SKIC3: variants seen among roughly 807,000 people sequenced by gnomAD.
SKIC3 encodes SKI3 subunit of superkiller complex, also known as superkiller complex protein 3.
chr5:95,516,316 CTT>C, the SKIC3 span: 74 of 1,607,378 alleles, frequency 4.6e-5, no homozygotes, highest in Non-Finnish European at 6.2e-5. Context: ...AGAAAACATT[CTT>C]TGTTTTAAAT....
chr5:95,521,847 C>T, the SKIC3 span, among the ~76,000 whole-genome samples: 2 of 152,056 alleles, frequency 1.3e-5, no homozygotes, highest in Non-Finnish European at 1.5e-5. Context: ...ATCTCTGTCA[C>T]ATTACTATTT....
the SKIC3 span, among the ~76,000 whole-genome samples, chr5:95,484,017 C>A: frequency 6.6e-6 from 1 of 152,068 alleles, no homozygotes; most frequent in Non-Finnish European, 1.5e-5. Context: ...TCTAATGACA[C>A]CCAAATAAAA....
the SKIC3 span, among the ~76,000 whole-genome samples, chr5:95,553,153 C>A: frequency 3.3e-5 from 5 of 152,008 alleles, no homozygotes; most frequent in Admixed American, 3.3e-4. Flanking sequence ...CTCTTAGATT[C>A]TTCCAGCACA....
chr5:95,542,139 T>C, the SKIC3 span, among the ~76,000 whole-genome samples: 2 of 152,100 alleles, frequency 1.3e-5, no homozygotes, highest in Non-Finnish European at 2.9e-5. Flanking sequence ...AATAAAGAGG[T>C]ATATCATTCC....
chr5:95,472,679 C>T, the SKIC3 span, among the ~76,000 whole-genome samples: 1 of 151,626 alleles, frequency 6.6e-6, no homozygotes, highest in Non-Finnish European at 1.5e-5. Context: ...AGAGGATACA[C>T]GTGCAGGTTT....
the SKIC3 span, chr5:95,464,447 A>G: frequency 1.7e-6 from 1 of 598,172 alleles, no homozygotes; most frequent in Non-Finnish European, 2.9e-6. Flanking sequence ...TGGAGTTAAC[A>G]GAAAATTGCA....
chr5:95,504,771 CA>C, the SKIC3 span, among the ~76,000 whole-genome samples: 1 of 151,958 alleles, frequency 6.6e-6, no homozygotes, highest in Non-Finnish European at 1.5e-5. Flanking sequence ...GAGGCCAAGA[CA>C]GGGGCATCAC....
At chr5:95,490,793 C>T in the SKIC3 span, 180 of 1,375,490 alleles carry the variant, frequency 1.3e-4, no homozygotes, top group African/African-American at 1.3e-3. Context: ...CCACCATGCC[C>T]GGCCTAATGA....
the SKIC3 span, chr5:95,530,029 A>G: frequency 6.3e-7 from 1 of 1,592,130 alleles, no homozygotes; most frequent in Non-Finnish European, 8.6e-7. Context: ...TCAAAGATAA[A>G]TGCCTACTGA....
chr5:95,475,376 T>C, the SKIC3 span, among the ~76,000 whole-genome samples: 1 of 152,154 alleles, frequency 6.6e-6, no homozygotes, highest in African/African-American at 2.4e-5. Flanking sequence ...CTTGGTACTA[T>C]ACACTGAGTG....
At chr5:95,530,149 AG>A in the SKIC3 span, 9 of 1,613,604 alleles carry the variant, frequency 5.6e-6, no homozygotes, top group Non-Finnish European at 7.6e-6. Context: ...TTAATGCCTA[AG>A]CCAATGAGGC....
the SKIC3 span, chr5:95,550,468 T>TAA: frequency 5.7e-5 from 8 of 140,434 alleles, no homozygotes; most frequent in Non-Finnish European, 4.7e-5. Flanking sequence ...AGTCTGACAT[T>TAA]AAAAAAAAAA....
chr5:95,546,956 T>TA, the SKIC3 span: 1 of 1,154,636 alleles, frequency 8.7e-7, no homozygotes. Flanking sequence ...TAAATGGCCT[T>TA]ACCACTTTTG....
the SKIC3 span, chr5:95,547,172 A>G: frequency 1.3e-5 from 21 of 1,608,058 alleles, no homozygotes; most frequent in East Asian, 2.0e-4. Flanking sequence ...AGAAAGCCTG[A>G]GTAAATCTAC....
chr5:95,528,171 T>A, the SKIC3 span: 1 of 1,613,496 alleles, frequency 6.2e-7, no homozygotes, highest in Non-Finnish European at 8.5e-7. Context: ...ATTAAGGGTA[T>A]CCAAATGAAG....
chr5:95,494,049 G>A, the SKIC3 span, among the ~76,000 whole-genome samples: 2 of 151,966 alleles, frequency 1.3e-5, no homozygotes, highest in South Asian at 2.1e-4. Context: ...CTAACTACAC[G>A]TAAAAATATC....
chr5:95,540,342 T>G, the SKIC3 span, among the ~76,000 whole-genome samples: 1 of 152,024 alleles, frequency 6.6e-6, no homozygotes, highest in Non-Finnish European at 1.5e-5. Context: ...GACTATAAAT[T>G]GGGTTCAGTG....
the SKIC3 span, among the ~76,000 whole-genome samples, chr5:95,492,672 A>AAAAAAAAAAAAAAAAAAAAAAAAAAC: frequency 7.2e-6 from 1 of 138,856 alleles, no homozygotes; most frequent in Non-Finnish European, 1.6e-5. Flanking sequence ...AAAAAAAAAA[A>AAAAAAAAAAAAAAAAAAAAAAAAAAC]AAAAAAAAAA....
chr5:95,493,714 AT>A, the SKIC3 span, among the ~76,000 whole-genome samples: 2 of 151,914 alleles, frequency 1.3e-5, no homozygotes, highest in East Asian at 1.9e-4. Context: ...TCTTGGTGTA[AT>A]TTTTTTCCCA....
Sources: allele counts gnomAD v4.1 joint callset (sites outside exome capture counted in the v4.1 genomes callset), GRCh38; gene constraint gnomAD v4.1.1; transcripts MANE v1.5; gene names NCBI Gene and HGNC (gene_info 2026-07-23, HGNC 2026-07-21).